RAB2A: variants seen among roughly 807,000 people sequenced by gnomAD.
The protein encoded by RAB2A is RAB2A, member RAS oncogene family, also known as ras-related protein Rab-2A.
A neutral mutation model predicts 32.5 loss-of-function variants in RAB2A; 7 were observed. The observed-to-expected ratio is 0.22, with a 90% confidence interval of 0.12 to 0.40. The LOEUF (loss-of-function observed/expected upper bound fraction) is 0.40. Ranked by LOEUF, RAB2A falls within the 10% of genes least tolerant of loss-of-function variation. RAB2A has a pLI of 1.00. For synonymous variants in RAB2A, 79 were observed against 85.2 expected, an observed-to-expected ratio of 0.93 and a Z score of 0.40; for missense variants, 108 against 260.7, an observed-to-expected ratio of 0.41 and a Z score of 4.03.
intron 1 of RAB2A, among the ~76,000 whole-genome samples, chr8:60,527,485 G>A (rs999404381): frequency 5.9e-5 from 9 of 152,140 alleles, no homozygotes; most frequent in South Asian, 2.1e-4. Context: ...TTCACAAGGC[G>A]GCAGGAGAGG....
At chr8:60,602,141 G>A (rs368363194) in intron 6 of RAB2A, among the ~76,000 whole-genome samples, 27 of 152,024 alleles carry the variant, frequency 1.8e-4, no homozygotes, top group African/African-American at 5.8e-4. Flanking sequence ...GCCTCCCAAC[G>A]TGCTGGGATT....
At chr8:60,586,263 C>G (rs1803844341) in intron 5 of RAB2A, among the ~76,000 whole-genome samples, 1 of 151,420 alleles carries the variant, frequency 6.6e-6, no homozygotes, top group African/African-American at 2.4e-5. Flanking sequence ...TGCCACTGTA[C>G]TCCAGCCTGA....
rs1177845682 is a variant in RAB2A, at chr8:60,584,870, T to TA, written c.362+56dup. On this transcript the variant is annotated intron_variant, in intron 5 of 7. Coordinates refer to ENST00000262646, the MANE Select transcript of RAB2A (RefSeq NM_002865.3). The stretch of plus-strand genomic sequence containing the variant: ...CATTAGTGATGAAGACTGTACTGTT[T>TA]ATTTGACTACTTTCCTTAACATTTG... 4.8e-6 allele frequency: 6 copies of TA among 1,242,860 alleles called. 1 individual carries two copies. In the Middle Eastern group the frequency reaches 5.9e-4, roughly 123 times the overall value. 77.0% of individuals were successfully genotyped at this position (1,242,860 alleles called of 1,614,324 possible).
At chr8:60,547,540 C>T (rs1298019082) in intron 1 of RAB2A, among the ~76,000 whole-genome samples, 1 of 150,112 alleles carries the variant, frequency 6.7e-6, no homozygotes, top group Non-Finnish European at 1.5e-5. Context: ...CTCCCCCCAC[C>T]TCCCTCCTGG....
At chr8:60,564,887 C>G (rs189497001) in intron 2 of RAB2A, among the ~76,000 whole-genome samples, 2 of 152,316 alleles carry the variant, frequency 1.3e-5, no homozygotes, top group Admixed American at 1.3e-4. Context: ...AATATACTAC[C>G]TACTTAGTGG....
chr8:60,567,253 T>A (rs1014220486), intron 2 of RAB2A, among the ~76,000 whole-genome samples: 2 of 151,998 alleles, frequency 1.3e-5, no homozygotes, highest in African/African-American at 4.8e-5. Flanking sequence ...GTAGCTGGAA[T>A]TAGAGGCACG....
chr8:60,526,055 A>G (rs1182939518), intron 1 of RAB2A, among the ~76,000 whole-genome samples: 5 of 100,064 alleles, frequency 5.0e-5, no homozygotes, highest in East Asian at 3.5e-4. Flanking sequence ...ATATATATAT[A>G]TAAGTTTTCT....
intron 6 of RAB2A, among the ~76,000 whole-genome samples, chr8:60,593,159 G>A (rs1366228941): frequency 1.3e-5 from 2 of 152,170 alleles, no homozygotes; most frequent in African/African-American, 4.8e-5. Flanking sequence ...ACAGTCATGT[G>A]TTGCTTGACA....
intron 6 of RAB2A, among the ~76,000 whole-genome samples, chr8:60,593,177 T>A (rs757778818): frequency 1.3e-5 from 2 of 152,206 alleles, no homozygotes; most frequent in Non-Finnish European, 2.9e-5. Context: ...ACAAAGGAGA[T>A]ACATTCTGAG....
intron 1 of RAB2A, among the ~76,000 whole-genome samples, chr8:60,522,123 T>C (rs1020945478): frequency 6.6e-6 from 1 of 152,128 alleles, no homozygotes; most frequent in Non-Finnish European, 1.5e-5. Context: ...ATCAGCATAG[T>C]AGGCTAACAA....
At chr8:60,528,659 T>C (rs1489544364) in intron 1 of RAB2A, among the ~76,000 whole-genome samples, 1 of 152,216 alleles carries the variant, frequency 6.6e-6, no homozygotes, top group East Asian at 1.9e-4. Context: ...TCTTATGTTA[T>C]CAAGATTCCT....
intron 7 of RAB2A, chr8:60,619,239 A>C (rs1240732735): frequency 6.6e-6 from 1 of 152,092 alleles, no homozygotes; most frequent in African/African-American, 2.4e-5. Flanking sequence ...TAAAGCTTTG[A>C]AGCATCTAAT....
chr8:60,555,513 TA>T (rs200750893), intron 1 of RAB2A, among the ~76,000 whole-genome samples: 91 of 147,164 alleles, frequency 6.2e-4, no homozygotes, highest in Admixed American at 1.7e-3. Flanking sequence ...AACTCAACAA[TA>T]AAAAAAAAAT....
At chr8:60,542,333 G>A (rs541376027) in intron 1 of RAB2A, among the ~76,000 whole-genome samples, 1 of 152,234 alleles carries the variant, frequency 6.6e-6, no homozygotes, top group Admixed American at 6.5e-5. Flanking sequence ...GGCTAACACG[G>A]TGAAACCCCA....
At chr8:60,517,442 C>G (rs922939918) in intron 1 of RAB2A, among the ~76,000 whole-genome samples, 189 bp downstream of exon 1, 8 of 152,116 alleles carry the variant, frequency 5.3e-5, no homozygotes, top group East Asian at 3.9e-4. Flanking sequence ...TGGCCAGGCC[C>G]GGTCTGCGGC....
intron 1 of RAB2A, among the ~76,000 whole-genome samples, chr8:60,526,657 C>G (rs1807394546): frequency 6.6e-6 from 1 of 152,058 alleles, no homozygotes; most frequent in Non-Finnish European, 1.5e-5. Flanking sequence ...TGCATTAGTC[C>G]ATTCTCACAC....
chr8:60,579,590 TA>T (rs1803704605), intron 3 of RAB2A, among the ~76,000 whole-genome samples: 1 of 152,174 alleles, frequency 6.6e-6, no homozygotes, highest in Non-Finnish European at 1.5e-5. Context: ...CAACAGTTTA[TA>T]GTGAAGAGGA....
intron 1 of RAB2A, among the ~76,000 whole-genome samples, chr8:60,545,610 A>G (rs547635343): frequency 1.2e-4 from 19 of 152,312 alleles, no homozygotes; most frequent in Non-Finnish European, 2.4e-4. Context: ...GGTACTACTT[A>G]TAATTGTTAC....
chr8:60,562,034 T>C (rs1462485330), intron 2 of RAB2A, among the ~76,000 whole-genome samples: 4 of 152,214 alleles, frequency 2.6e-5, no homozygotes, highest in South Asian at 2.1e-4. Flanking sequence ...TCTTTGCTGC[T>C]TGCTACTCCC....
Sources: allele counts gnomAD v4.1 joint callset (sites outside exome capture counted in the v4.1 genomes callset), GRCh38; gene constraint gnomAD v4.1.1; transcripts MANE v1.5; gene names NCBI Gene and HGNC (gene_info 2026-07-23, HGNC 2026-07-21).